The following RNF41 variants were observed in gnomAD, a reference collection of about 807,000 sequenced individuals.
RNF41 encodes E3 ubiquitin-protein ligase NRDP1.
In RNF41, 4 loss-of-function variants were observed where a neutral mutation model predicts 33.0. The ratio of observed to expected loss-of-function variants is 0.12; its 90% CI spans 0.06 to 0.28. The LOEUF (loss-of-function observed/expected upper bound fraction) is 0.28, where lower values mean the gene tolerates loss of function less well. RNF41 is among the 10% of genes least tolerant of loss of function. The pLI is 1.00. For synonymous variants in RNF41, 164 were observed against 153.2 expected (o/e 1.07, Z -0.52); for missense variants, 228 against 432.6 (o/e 0.53, Z 4.19).
chr12:56,211,505 G>A (rs1338072144), intron 3 of RNF41, among the ~76,000 whole-genome samples: 2 of 151,628 alleles, frequency 1.3e-5, no homozygotes, highest in East Asian at 3.9e-4. Flanking sequence ...ATTGCCATCT[G>A]GATTGCATAC....
In RNF41 at chr12:56,219,668, T is replaced by TACACACACAC. The variant is rs375047200; in HGVS notation, c.-209+2091_-209+2092insGTGTGTGTGT. 3.3e-3 allele frequency among the ~76,000 whole-genome samples: 499 copies of TACACACACAC among 150,248 alleles called. 4 individuals carry two copies. Among genetic ancestry groups the TACACACACAC allele is most frequent in the African/African-American group, 9.4e-3 (384 of 40,940 alleles). Reference sequence around the variant, plus strand: ...ATGTGTGTGTGTGTATATATGTGTATATACACGCGCGCACCCCTTATACAT... The same window carrying TACACACACAC: ...ATGTGTGTGTGTGTATATATGTGTATACACACACACATACACGCGCGCACCCCTTATACAT... On this transcript the variant is annotated intron_variant, in intron 1 of 6. Transcript: ENST00000345093.
Position 56,205,286 on chromosome 12 carries a change from G to T in RNF41, c.*1161C>A, listed in dbSNP as rs1868249154. 2 of 152,142 alleles carry T rather than the reference G, an allele frequency of 1.3e-5. No individual in the cohort carries two copies. Among genetic ancestry groups the T allele is most frequent in the Non-Finnish European group, 2.9e-5 (2 of 68,052 alleles). 9.4% of individuals were successfully genotyped at this position (152,142 alleles called of 1,614,324 possible). A position where few individuals can be genotyped will look rare whatever the true frequency, so the allele number is the denominator to read the frequency against. Reference sequence around the variant, plus strand: ...GAGGAAGCTCCTCATTTCAGTTGGGGTTACAGAGGTTTGGGGCAGATATCG... The same window carrying T: ...GAGGAAGCTCCTCATTTCAGTTGGGTTTACAGAGGTTTGGGGCAGATATCG... On this transcript the variant is annotated 3_prime_UTR_variant, in exon 7 of 7. Coordinates refer to ENST00000345093, the MANE Select transcript of RNF41 (RefSeq NM_005785.4).
rs1868313838 is a variant in RNF41, at chr12:56,208,262, G to T, written c.399C>A (p.Asn133Lys). The change falls in exon 5 of 7, where the codon AAC (asparagine) becomes AAA (lysine). Residue 133 changes from asparagine to lysine, a missense_variant. This residue lies in a region of RNF41 where 199 missense variants were observed against 334.6 expected (regional missense o/e 0.59). Transcript: ENST00000345093. ...EMPKDELPNH[N>K]CIKHLRSVVQ... ...CCACTGAGCGCAGGTGCTTAATGCA[G>T]TTATGGTTGGGCAGCTCATCTTTGG... 3 of 1,614,100 alleles carry T rather than the reference G, an allele frequency of 1.9e-6. No homozygotes were observed. Among genetic ancestry groups the T allele is most frequent in the African/African-American group, 2.7e-5 (2 of 74,946 alleles).
rs1052904083 is a variant in RNF41, at chr12:56,204,815, C to T, written c.*1632G>A. 2.0e-5 allele frequency: 3 copies of T among 152,674 alleles called. No homozygotes were observed. The highest frequency in any genetic ancestry group is 4.4e-5 in the Non-Finnish European group (3 of 68,094). 9.5% of individuals were successfully genotyped at this position (152,674 alleles called of 1,614,324 possible). ...CCCCAATCCCAGTGGAGCCATGATC[C>T]AACTACCCAGACCTGCAGCAAGCTA... On this transcript the variant is annotated 3_prime_UTR_variant, in exon 7 of 7. Transcript: ENST00000345093.
In RNF41 at chr12:56,219,195, A is replaced by AT. The variant is rs1300553805; in HGVS notation, c.-209+2564dup. On this transcript the variant is annotated intron_variant, in intron 1 of 6. Coordinates refer to ENST00000345093, the MANE Select transcript of RNF41 (RefSeq NM_005785.4). ...TAATTTTTATTTTATTTATTTATTTATTTATTTTTTTTTTGAGACGGAGTC... is the reference window on the plus strand; with the variant it reads ...TAATTTTTATTTTATTTATTTATTTATTTTATTTTTTTTTTGAGACGGAGTC... 9.3e-4 allele frequency among the ~76,000 whole-genome samples: 126 copies of AT among 136,004 alleles called. 1 individual carries two copies. The highest frequency in any genetic ancestry group is 3.8e-3 in the Middle Eastern group (1 of 262). The allele number at this position is 136,004 out of a possible 152,430, so 89.2% of individuals were successfully genotyped here. A position where few individuals can be genotyped will look rare whatever the true frequency, so the allele number is the denominator to read the frequency against.
intron 3 of RNF41, 142 bp downstream of exon 3, chr12:56,213,816 C>G: frequency 1.5e-6 from 1 of 673,122 alleles, no homozygotes; most frequent in Non-Finnish European, 2.7e-6. Flanking sequence ...GTCACCATTA[C>G]TCCTTTGACC....
chr12:56,210,597 G>T, intron 3 of RNF41, 29 bp from the exon 4 acceptor site: 1 of 1,601,000 alleles, frequency 6.2e-7, no homozygotes, highest in African/African-American at 1.3e-5. Context: ...CAAAAGGGGC[G>T]CAAGGGAATT....
rs750672535 is a variant in RNF41 at position 56,207,746 on chromosome 12, G to A, written c.502C>T (p.Arg168Ter). The change falls in exon 6 of 7, where the codon CGA (arginine) becomes TGA (stop). Residue 168 changes from arginine to a stop codon, truncating the protein, a stop_gained. Coordinates refer to ENST00000345093, the MANE Select transcript of RNF41 (RefSeq NM_005785.4). LOFTEE classifies it high-confidence loss of function. ...EHKHQLAEQK[R>*]DIQLLKAYMR... ...TATGCCTTTAGCAGCTGGATGTCTC[G>A]CTTCTGTTGTGGGGAAGAAGAACAG... 3 of 1,612,622 alleles carry A rather than the reference G, an allele frequency of 1.9e-6. No homozygotes were observed. Among genetic ancestry groups the A allele is most frequent in the Non-Finnish European group, 2.5e-6 (3 of 1,178,718 alleles).
chr12:56,211,832 C>T (rs1446117595), intron 3 of RNF41, among the ~76,000 whole-genome samples: 2 of 151,908 alleles, frequency 1.3e-5, no homozygotes, highest in African/African-American at 4.8e-5. Flanking sequence ...ATTAGCCGGG[C>T]GTGGTGGCGG....
chr12:56,214,366 C>A (rs1310339514), intron 2 of RNF41, among the ~76,000 whole-genome samples: 2 of 150,724 alleles, frequency 1.3e-5, no homozygotes, highest in Non-Finnish European at 3.0e-5. Flanking sequence ...ACTAAAAATA[C>A]AAAAATTAGC....
intron 3 of RNF41, chr12:56,213,007 G>A: frequency 7.8e-7 from 1 of 1,289,752 alleles, no homozygotes; most frequent in Non-Finnish European, 1.0e-6. Context: ...TGGTAATCGT[G>A]AGCTTCTCCT....
At chr12:56,220,726 G>A (rs1431225820) in intron 1 of RNF41, among the ~76,000 whole-genome samples, 1 of 143,142 alleles carries the variant, frequency 7.0e-6, no homozygotes, top group South Asian at 2.2e-4. Flanking sequence ...GTGAGACTCC[G>A]TTTCAAAAAA....
chr12:56,221,539 CT>C (rs1222395683), intron 1 of RNF41: 1 of 152,656 alleles, frequency 6.6e-6, no homozygotes, highest in Non-Finnish European at 1.5e-5. Flanking sequence ...CAAAGCTCCC[CT>C]ATTCCAATGG....
At chr12:56,209,776 G>A (rs1024448925) in intron 4 of RNF41, among the ~76,000 whole-genome samples, 1 of 152,140 alleles carries the variant, frequency 6.6e-6, no homozygotes, top group African/African-American at 2.4e-5. Context: ...GCTAATTTTT[G>A]TATTTTTAGT....
chr12:56,209,341 G>C (rs540775061), intron 4 of RNF41, among the ~76,000 whole-genome samples: 1 of 152,004 alleles, frequency 6.6e-6, no homozygotes, highest in South Asian at 2.1e-4. Context: ...ACCCAGGCTG[G>C]AGTGCAATGG....
chr12:56,208,576 T>A (rs1196561118), intron 4 of RNF41: 1 of 211,016 alleles, frequency 4.7e-6, no homozygotes, highest in African/African-American at 2.3e-5. Flanking sequence ...TTTTATTATT[T>A]TTTTTGACAC....
Position 56,206,633 on chromosome 12 carries a change from G to C in RNF41, c.768C>G (p.Pro256=). The stretch of plus-strand genomic sequence containing the variant: ...TAGTCTCTAGTGTGGCCAGACCCTG[G>C]GGCCAGCTACGCTCGTGGGCATTTT... ...LIENAHERSW[P]QGLATLETRQ... is the part of the protein sequence containing the mutation. Residue 256 remains proline (P), a synonymous_variant, in exon 7 of 7, where the codon CCC becomes CCG. Coordinates refer to ENST00000345093, the MANE Select transcript of RNF41 (RefSeq NM_005785.4). This position sits in a 1 kb window ranked among gnomAD's most constrained non-coding sequence, Gnocchi z 5.7. The C allele has an allele frequency of 6.2e-7, 1 of 1,614,114 alleles. No individual in the cohort carries two copies. Among genetic ancestry groups the C allele is most frequent in the East Asian group, 2.2e-5 (1 of 44,886 alleles).
intron 4 of RNF41, chr12:56,208,595 G>A (rs955614949): frequency 2.2e-5 from 4 of 178,788 alleles, no homozygotes; most frequent in Admixed American, 5.8e-5. Context: ...ACGGAGTTTC[G>A]CTCTTGTTGC....
In RNF41 at chr12:56,206,516, G is replaced by A. The variant is rs1333130750; in HGVS notation, c.885C>T (p.His295=). 1 of 1,614,184 alleles carries A rather than the reference G, an allele frequency of 6.2e-7. No homozygotes were observed. Among genetic ancestry groups the A allele is most frequent in the Non-Finnish European group, 8.5e-7 (1 of 1,180,034 alleles). Residue 295 remains histidine (H), a synonymous_variant, in exon 7 of 7, where the codon CAC becomes CAT. Transcript: ENST00000345093. The surrounding 1 kb of genome is among the most constrained non-coding windows in gnomAD (Gnocchi z 5.7). The part of the protein sequence containing the change: ...AVVVMACENQ[H]MGDDMVQEPG... ...GCTCTTGCACCATGTCATCCCCCAT[G>A]TGCTGGTTCTCACAGGCCATCACGA...
Sources: allele counts gnomAD v4.1 joint callset (sites outside exome capture counted in the v4.1 genomes callset), GRCh38; gene constraint gnomAD v4.1.1; regional missense constraint gnomAD v4.1.1; non-coding constraint Gnocchi (gnomAD v3.1); transcripts MANE v1.5; gene names NCBI Gene and HGNC (gene_info 2026-07-23, HGNC 2026-07-21).